PPP2R2A: variants seen among roughly 807,000 people sequenced by gnomAD.
PPP2R2A encodes the protein protein phosphatase 2 regulatory subunit Balpha.
In PPP2R2A, 9 loss-of-function variants were observed where a neutral mutation model predicts 53.2. That is an observed-to-expected ratio of 0.17 (90% CI 0.10 to 0.30). The LOEUF is 0.30. PPP2R2A is among the 10% of genes least tolerant of loss of function. PPP2R2A has a pLI of 1.00. For missense variants in PPP2R2A, 235 were observed against 534.6 expected (o/e 0.44, Z 5.53); for synonymous variants, 169 against 174.2 (o/e 0.97, Z 0.23).
In PPP2R2A at chr8:26,338,823, A is replaced by C; in HGVS notation, c.83-67A>C. ...TTGGAATGTTTGGGAAAACACGCTA[A>C]GTTCTGAAACTAGTGAGTCGGGAAA... On this transcript the variant is annotated intron_variant, in intron 2 of 9. Transcript: ENST00000380737. The surrounding 1 kb of genome is among the most constrained non-coding windows in gnomAD (Gnocchi z 4.5). The C allele has an allele frequency of 9.0e-7, 1 of 1,114,950 alleles. No homozygotes were observed. The highest frequency in any genetic ancestry group is 1.3e-6 in the Non-Finnish European group (1 of 760,982). 69.1% of individuals were successfully genotyped at this position (1,114,950 alleles called of 1,614,324 possible). A position where few individuals can be genotyped will look rare whatever the true frequency, so the allele number is the denominator to read the frequency against.
At chr8:26,334,420 C>G (rs1803546607) in intron 2 of PPP2R2A, among the ~76,000 whole-genome samples, 1 of 152,110 alleles carries the variant, frequency 6.6e-6, no homozygotes, top group African/African-American at 2.4e-5. Context: ...GTGCAGAATT[C>G]TCAAATTCCA....
At position 26,354,076 on chromosome 8, in the gene PPP2R2A, C is replaced by T. The variant is rs563458146; in HGVS notation, c.181-392C>T. 4.9e-4 allele frequency among the ~76,000 whole-genome samples: 74 copies of T among 152,136 alleles called. No homozygotes were observed. Among genetic ancestry groups the T allele is most frequent in the Admixed American group, 4.6e-3 (71 of 15,292 alleles). On this transcript the variant is annotated intron_variant, in intron 3 of 9. Coordinates refer to ENST00000380737, the MANE Select transcript of PPP2R2A (RefSeq NM_002717.4). The surrounding 1 kb of genome is among the most constrained non-coding windows in gnomAD (Gnocchi z 4.6). ...AAAGTGGGCATAGGAAGAAGGTGTG[C>T]CTCACCTAGCTCTTTCTGGGCAAGA...
chr8:26,293,635 C>T (rs1801409092), intron 1 of PPP2R2A, 31 bp from the exon 2 acceptor site: 8 of 1,595,266 alleles, frequency 5.0e-6, no homozygotes, highest in Non-Finnish European at 6.9e-6. Context: ...AAGCAGAACT[C>T]GGTTTTAATT....
intron 3 of PPP2R2A, among the ~76,000 whole-genome samples, chr8:26,353,707 C>G (rs1282741308): frequency 6.6e-6 from 1 of 151,954 alleles, no homozygotes; most frequent in Admixed American, 6.5e-5. Context: ...AAAAGTAGTC[C>G]CTTTATGAGA....
At chr8:26,333,640 T>A in intron 2 of PPP2R2A, 2 of 709,108 alleles carry the variant, frequency 2.8e-6, no homozygotes, top group East Asian at 1.4e-4. Context: ...GTTACACCCA[T>A]TTATATATAC....
chr8:26,347,683 C>T (rs551088687), intron 3 of PPP2R2A, among the ~76,000 whole-genome samples: 444 of 152,052 alleles, frequency 2.9e-3, no homozygotes, highest in African/African-American at 0.01. Flanking sequence ...TTGTTTCAAC[C>T]AGGTATCCTT....
intron 2 of PPP2R2A, among the ~76,000 whole-genome samples, chr8:26,337,307 C>T (rs377577045): frequency 2.6e-5 from 4 of 152,170 alleles, no homozygotes; most frequent in African/African-American, 4.8e-5. Context: ...GCTGGACTTA[C>T]GAGAAAGAAT....
At chr8:26,340,666 T>C (rs1357468710) in intron 3 of PPP2R2A, among the ~76,000 whole-genome samples, 1 of 152,114 alleles carries the variant, frequency 6.6e-6, no homozygotes, top group Non-Finnish European at 1.5e-5. Context: ...CATTTTCATC[T>C]CCTGTGGTCG....
chr8:26,351,313 G>T (rs1174112937), intron 3 of PPP2R2A, among the ~76,000 whole-genome samples: 1 of 151,814 alleles, frequency 6.6e-6, no homozygotes, highest in Non-Finnish European at 1.5e-5. Context: ...AGACCCTGTT[G>T]CAGTGGTCCC....
At chr8:26,293,323 C>A in intron 1 of PPP2R2A, 1 of 1,473,762 alleles carries the variant, frequency 6.8e-7, no homozygotes, top group Non-Finnish European at 9.2e-7. Context: ...GCTTTTTGTA[C>A]ACTTAAGAAA....
At chr8:26,313,803 C>G (rs969026559) in intron 2 of PPP2R2A, among the ~76,000 whole-genome samples, 3 of 152,178 alleles carry the variant, frequency 2.0e-5, no homozygotes, top group African/African-American at 7.2e-5. Flanking sequence ...GGATTCTCCC[C>G]TTAAAGCTTC....
intron 2 of PPP2R2A, among the ~76,000 whole-genome samples, chr8:26,297,994 A>G (rs1801616055): frequency 6.6e-6 from 1 of 152,244 alleles, no homozygotes; most frequent in Non-Finnish European, 1.5e-5. Flanking sequence ...TGGTAAAACT[A>G]TGAAGAAAAG....
intron 2 of PPP2R2A, among the ~76,000 whole-genome samples, chr8:26,332,815 A>C (rs1803455235): frequency 6.6e-6 from 1 of 152,236 alleles, no homozygotes; most frequent in Non-Finnish European, 1.5e-5. Flanking sequence ...ACATTTTGAC[A>C]ATGAAAAAGA....
intron 2 of PPP2R2A, among the ~76,000 whole-genome samples, chr8:26,319,797 G>A (rs964092007): frequency 1.3e-5 from 2 of 152,072 alleles, no homozygotes; most frequent in Non-Finnish European, 2.9e-5. Context: ...CCATGAACAT[G>A]GAATGTCTTT....
rs74731529 is a variant in PPP2R2A, at chr8:26,363,964, C to G, written c.972+74C>G. The G allele has an allele frequency of 0.016, 22,175 of 1,353,562 alleles. 209 individuals carry two copies. The highest frequency in any genetic ancestry group is 0.019 in the Non-Finnish European group (19,219 of 1,008,484). The allele number at this position is 1,353,562 out of a possible 1,614,324, so 83.8% of individuals were successfully genotyped here. ...GTGTTTATAGAGAAGGATTTTGTTA[C>G]TAGGTTTTAATCCCTGTATGGTGTT... On this transcript the variant is annotated intron_variant, in intron 8 of 9. Transcript: ENST00000380737.
At chr8:26,295,161 G>A (rs898099808) in intron 2 of PPP2R2A, among the ~76,000 whole-genome samples, 17 of 152,154 alleles carry the variant, frequency 1.1e-4, no homozygotes, top group African/African-American at 4.1e-4. Context: ...ATGTTCTTTG[G>A]TTGAATTCCA....
rs541212519 is a variant in PPP2R2A, at chr8:26,336,997, T to A, written c.83-1893T>A. Among the ~76,000 whole-genome samples, 192 of 152,238 alleles carry A rather than the reference T, an allele frequency of 1.3e-3. 1 individual carries two copies. Among genetic ancestry groups the A allele is most frequent in the Non-Finnish European group, 1.8e-4 (12 of 68,016 alleles). The stretch of plus-strand genomic sequence containing the variant: ...TGACATCTCCTTACTAAGTGATAGT[T>A]GTAACAGCTCATCAGCCTGACAAGG... On this transcript the variant is annotated intron_variant, in intron 2 of 9. Transcript: ENST00000380737.
rs1272787849 is a variant in PPP2R2A, at chr8:26,321,360, C to T, written c.83-17530C>T. Among the ~76,000 whole-genome samples the T allele has an allele frequency of 4.6e-5, 7 of 152,206 alleles. No homozygotes were observed. Among genetic ancestry groups the T allele is most frequent in the African/African-American group, 1.4e-4 (6 of 41,444 alleles). On this transcript the variant is annotated intron_variant, in intron 2 of 9. Transcript: ENST00000380737. This position sits in a 1 kb window ranked among gnomAD's most constrained non-coding sequence, Gnocchi z 4.1. ...ACAAAGTTGAAACTCTGCCCCCAGG[C>T]TGCCTTCTTTGTCAGGCAGCCGCTT...
chr8:26,339,820 CAG>C (rs1803855669), intron 3 of PPP2R2A: 1 of 151,938 alleles, frequency 6.6e-6, no homozygotes, highest in African/African-American at 2.4e-5. Flanking sequence ...AATCATAACA[CAG>C]AGTTAGGTTT....
Sources: gnomAD v4.1 joint callset for allele counts (sites outside exome capture counted in the v4.1 genomes callset) on GRCh38, gnomAD v4.1.1 for gene constraint, Gnocchi (gnomAD v3.1) non-coding constraint, MANE v1.5 for transcripts, NCBI Gene and HGNC (gene_info 2026-07-23, HGNC 2026-07-21) for gene names.